Variants in CHMP2B observed in about 807,000 individuals in gnomAD.
CHMP2B encodes the protein charged multivesicular body protein 2B.
Under a neutral mutation model 29.8 loss-of-function variants are expected in CHMP2B, and 22 were observed. That is an observed-to-expected ratio of 0.74 (90% CI 0.53 to 1.05). The LOEUF is 1.05. Ranked by LOEUF, CHMP2B falls within the 50% of genes least tolerant of loss-of-function variation. CHMP2B has a pLI of 0.00. For missense variants in CHMP2B, 261 were observed against 252.2 expected (o/e 1.03, Z -0.24); for synonymous variants, 78 against 75.8 (o/e 1.03, Z -0.15).
At chr3:87,241,338 G>T (rs1404905998) in intron 2 of CHMP2B, among the ~76,000 whole-genome samples, 3 of 152,012 alleles carry the variant, frequency 2.0e-5, no homozygotes, top group Non-Finnish European at 1.5e-5. Context: ...CATATTTCAG[G>T]TGTACAATTT....
chr3:87,234,639 A>G (rs1705965988), intron 1 of CHMP2B, among the ~76,000 whole-genome samples: 1 of 152,222 alleles, frequency 6.6e-6, no homozygotes, highest in Non-Finnish European at 1.5e-5. Flanking sequence ...GCATTTTTAC[A>G]GTGTGAAGTT....
intron 3 of CHMP2B, among the ~76,000 whole-genome samples, chr3:87,249,614 A>G (rs951455345): frequency 1.2e-4 from 19 of 152,160 alleles, no homozygotes; most frequent in African/African-American, 4.6e-4. Flanking sequence ...TTATGCTGAT[A>G]ATGTTTTTTA....
intron 1 of CHMP2B, among the ~76,000 whole-genome samples, chr3:87,238,967 T>TA (rs996165110): frequency 2.6e-5 from 4 of 152,206 alleles, no homozygotes; most frequent in Non-Finnish European, 5.9e-5. Flanking sequence ...TTTCCTTTCA[T>TA]AAAAAATTAT....
At chr3:87,236,344 A>G (rs552407063) in intron 1 of CHMP2B, among the ~76,000 whole-genome samples, 3 of 152,308 alleles carry the variant, frequency 2.0e-5, no homozygotes, top group African/African-American at 7.2e-5. Flanking sequence ...AGGAAATTCC[A>G]AGGGTTTTAG....
chr3:87,253,370 G>GT, intron 4 of CHMP2B, 34 bp from the exon 5 acceptor site: 1 of 1,253,314 alleles, frequency 8.0e-7, no homozygotes, highest in Non-Finnish European at 1.2e-6. Context: ...TTGTTTGAAA[G>GT]TAACTGCTTT....
rs146494235 is a variant in CHMP2B, at chr3:87,250,057, C to T, written c.424+80C>T. On this transcript the variant is annotated intron_variant, in intron 4 of 5. Transcript: ENST00000263780. ...ATTTATTTACTATGTCTCATATTCT[C>T]ATTCACGAAGGCAGAAATGATGAAA... 5.0e-4 allele frequency: 415 copies of T among 829,196 alleles called. 5 individuals are homozygous for T. In the African/African-American group the frequency reaches 6.2e-3, roughly 12 times the overall value. 51.4% of individuals were successfully genotyped at this position (829,196 alleles called of 1,614,324 possible).
At position 87,227,397 on chromosome 3, in the gene CHMP2B, C is replaced by T. The variant is rs751723331; in HGVS notation, c.-126C>T. ...CGCGGGTCCTGCCTGGCGACCCCGACCTCCTCCTGCTGTCTCTCCGCTCCG... is the reference window on the plus strand; with the variant it reads ...CGCGGGTCCTGCCTGGCGACCCCGATCTCCTCCTGCTGTCTCTCCGCTCCG... On this transcript the variant is annotated 5_prime_UTR_variant, in exon 1 of 6. Transcript: ENST00000263780. 1.5e-4 allele frequency: 164 copies of T among 1,077,684 alleles called. No homozygotes were observed. The highest frequency in any genetic ancestry group is 2.3e-4 in the Non-Finnish European group (158 of 701,778). The allele number at this position is 1,077,684 out of a possible 1,614,324, so 66.8% of individuals were successfully genotyped here. A position where few individuals can be genotyped will look rare whatever the true frequency, so the allele number is the denominator to read the frequency against.
At chr3:87,228,263 C>T (rs550225950) in intron 1 of CHMP2B, among the ~76,000 whole-genome samples, 21 of 152,106 alleles carry the variant, frequency 1.4e-4, no homozygotes, top group Non-Finnish European at 2.5e-4. Flanking sequence ...TCATCTTAAG[C>T]GGGGAAAAAA....
At chr3:87,253,341 T>A in intron 4 of CHMP2B, 63 bp from the exon 5 acceptor site, 1 of 950,530 alleles carries the variant, frequency 1.1e-6, no homozygotes, top group South Asian at 1.3e-5. Context: ...ACTGTAAATA[T>A]GTAAGTCTAA....
chr3:87,243,915 G>A (rs1032448530), intron 2 of CHMP2B, among the ~76,000 whole-genome samples: 35 of 149,548 alleles, frequency 2.3e-4, no homozygotes, highest in African/African-American at 8.7e-4. Context: ...CTGGCTAGTG[G>A]TTTATCAATT....
At chr3:87,233,066 C>A (rs895066639) in intron 1 of CHMP2B, among the ~76,000 whole-genome samples, 4 of 152,182 alleles carry the variant, frequency 2.6e-5, no homozygotes, top group South Asian at 2.1e-4. Flanking sequence ...TTTGCCTCTT[C>A]CAAGTCCTGC....
intron 2 of CHMP2B, among the ~76,000 whole-genome samples, chr3:87,244,029 T>G (rs79333439): frequency 7.3e-6 from 1 of 136,694 alleles, no homozygotes; most frequent in African/African-American, 2.5e-5. Flanking sequence ...TTTTGTTTTT[T>G]TTTTTTTGTT....
chr3:87,240,379 C>T (rs1235974514), intron 1 of CHMP2B: 2 of 237,316 alleles, frequency 8.4e-6, no homozygotes, highest in East Asian at 9.4e-5. Flanking sequence ...GGCATGATCT[C>T]GGCTCAACGC....
At chr3:87,238,667 T>C (rs1297874481) in intron 1 of CHMP2B, among the ~76,000 whole-genome samples, 1 of 152,204 alleles carries the variant, frequency 6.6e-6, no homozygotes, top group Non-Finnish European at 1.5e-5. Flanking sequence ...TACTCCATTG[T>C]ATTTATATAC....
chr3:87,246,322 G>C (rs568764291), intron 3 of CHMP2B, among the ~76,000 whole-genome samples: 1 of 151,964 alleles, frequency 6.6e-6, no homozygotes, highest in South Asian at 2.1e-4. Flanking sequence ...ATTTTTAGTA[G>C]AGACGAGGTT....
At position 87,227,538 on chromosome 3, in the gene CHMP2B, A is replaced by T. The variant is rs778515285; in HGVS notation, c.16A>T (p.Lys6Ter). 1 of 1,614,092 alleles carries T rather than the reference A, an allele frequency of 6.2e-7. No individual in the cohort carries two copies. The highest frequency in any genetic ancestry group is 1.1e-5 in the South Asian group (1 of 91,072). ...GTCTTTAACCATGGCGTCCCTCTTC[A>T]AGAAGAAAACCGTGGATGGTGAGTT... MASLF[K>*]KKTVDDVIKE... is the part of the protein sequence containing the mutation. Residue 6 changes from lysine to a stop codon, truncating the protein, a stop_gained, in exon 1 of 6, where the codon AAG (lysine) becomes TAG (stop). Transcript: ENST00000263780. LOFTEE classifies it high-confidence loss of function.
At chr3:87,248,649 A>G (rs964524422) in intron 3 of CHMP2B, among the ~76,000 whole-genome samples, 9 of 151,894 alleles carry the variant, frequency 5.9e-5, no homozygotes, top group Non-Finnish European at 1.0e-4. Context: ...CTAGAGGGCA[A>G]TAGTGCAAAG....
At chr3:87,230,774 C>T (rs185814879) in intron 1 of CHMP2B, among the ~76,000 whole-genome samples, 1 of 152,288 alleles carries the variant, frequency 6.6e-6, no homozygotes, top group Admixed American at 6.5e-5. Flanking sequence ...CAGCAGTTTG[C>T]CTTGCATGGC....
intron 2 of CHMP2B, among the ~76,000 whole-genome samples, chr3:87,244,172 A>C (rs1199133251): frequency 6.7e-6 from 1 of 149,692 alleles, no homozygotes; most frequent in Middle Eastern, 3.4e-3. Flanking sequence ...TCAGCCTCCC[A>C]AGTAGCTGGG....
Sources: gnomAD v4.1 joint callset for allele counts (sites outside exome capture counted in the v4.1 genomes callset) on GRCh38, gnomAD v4.1.1 for gene constraint, MANE v1.5 for transcripts, NCBI Gene and HGNC (gene_info 2026-07-23, HGNC 2026-07-21) for gene names.